TRPC4: variants seen among roughly 807,000 people sequenced by gnomAD.
The protein encoded by TRPC4 is transient receptor potential cation channel subfamily C member 4, also known as short transient receptor potential channel 4.
In TRPC4, 49 loss-of-function variants were observed where a neutral mutation model predicts 99.4. That is an observed-to-expected ratio of 0.49 (90% CI 0.39 to 0.63). The LOEUF (loss-of-function observed/expected upper bound fraction) is 0.63, where lower values mean the gene tolerates loss of function less well. Among genes scored for constraint, TRPC4 ranks in the 20% least tolerant of loss-of-function variants. TRPC4 has a pLI of 0.00. For synonymous variants in TRPC4, 454 were observed against 425.9 expected, an observed-to-expected ratio of 1.07 and a Z score of -0.81; for missense variants, 898 against 1,152.9, an observed-to-expected ratio of 0.78 and a Z score of 3.20.
chr13:37,717,055 T>G lies in TRPC4; in HGVS notation c.898-24720A>C, dbSNP rs535965478. On this transcript the variant is annotated intron_variant, in intron 3 of 10. Transcript: ENST00000379705. ...CACAAGTAGGTGGAAAACAAAAACA[T>G]CAGAAGTGAGGCTGCCCAGAAGATA... Among the ~76,000 whole-genome samples, 596 of 152,150 alleles carry G rather than the reference T, an allele frequency of 3.9e-3. 3 individuals are homozygous for G. The highest frequency in any genetic ancestry group is 0.013 in the African/African-American group (537 of 41,528).
chr13:37,739,670 T>C (rs1198945667), intron 3 of TRPC4, among the ~76,000 whole-genome samples: 1 of 151,874 alleles, frequency 6.6e-6, no homozygotes, highest in Non-Finnish European at 1.5e-5. Flanking sequence ...CATGCCCAGC[T>C]AATTTTTGTA....
intron 1 of TRPC4, among the ~76,000 whole-genome samples, chr13:37,855,353 T>TATATGC (rs1566227343): frequency 6.7e-6 from 1 of 148,780 alleles, no homozygotes; most frequent in Non-Finnish European, 1.5e-5. Context: ...TATATATATA[T>TATATGC]ATATGCACCT....
At chr13:37,784,175 C>A (rs773271748) in intron 1 of TRPC4, among the ~76,000 whole-genome samples, 1 of 151,938 alleles carries the variant, frequency 6.6e-6, no homozygotes, top group Non-Finnish European at 1.5e-5. Context: ...CAAGATGAGT[C>A]TAAGCAATTC....
chr13:37,793,090 G>A (rs1190431538), intron 1 of TRPC4, among the ~76,000 whole-genome samples: 2 of 152,078 alleles, frequency 1.3e-5, no homozygotes, highest in African/African-American at 2.4e-5. Flanking sequence ...ACGTTGAGAC[G>A]TCTGGTTAGA....
rs538612704 is a variant in TRPC4 at position 37,791,113 on chromosome 13, G to A, written c.-27-7753C>T. Among the ~76,000 whole-genome samples the A allele has an allele frequency of 6.6e-5, 10 of 152,142 alleles. No individual in the cohort carries two copies. The South Asian group carries it at 1.7e-3, about 25-fold the overall frequency. Reference sequence around the variant, plus strand: ...TAAGGAAAGTATGAAGATGAAACAGGCCTGTCATGGTGGCTCACACCTGTA... The same window carrying A: ...TAAGGAAAGTATGAAGATGAAACAGACCTGTCATGGTGGCTCACACCTGTA... On this transcript the variant is annotated intron_variant, in intron 1 of 10. Transcript: ENST00000379705.
intron 1 of TRPC4, among the ~76,000 whole-genome samples, chr13:37,789,009 C>G (rs56656948): frequency 1.3e-5 from 2 of 152,100 alleles, no homozygotes; most frequent in African/African-American, 4.8e-5. Flanking sequence ...TCTTTCCAAA[C>G]GATGTTACTG....
At chr13:37,748,793 A>G (rs2139177809) in intron 2 of TRPC4, among the ~76,000 whole-genome samples, 1 of 152,182 alleles carries the variant, frequency 6.6e-6, no homozygotes, top group South Asian at 2.1e-4. Flanking sequence ...TCAAAAAATA[A>G]CAGTGTAAAA....
At chr13:37,654,091 T>C (rs771627223) in intron 7 of TRPC4, among the ~76,000 whole-genome samples, 1 of 152,136 alleles carries the variant, frequency 6.6e-6, no homozygotes, top group Non-Finnish European at 1.5e-5. Context: ...AAACCATCTA[T>C]TCTCATGTTC....
chr13:37,753,020 T>C (rs949565372), intron 2 of TRPC4, among the ~76,000 whole-genome samples: 4 of 151,790 alleles, frequency 2.6e-5, no homozygotes, highest in African/African-American at 7.3e-5. Flanking sequence ...AGTATAATAC[T>C]ATAGAAATGA....
chr13:37,687,544 A>G (rs2138852229), intron 4 of TRPC4, among the ~76,000 whole-genome samples: 1 of 152,354 alleles, frequency 6.6e-6, no homozygotes. Context: ...TCTTTGAGAT[A>G]AAACTCTTGC....
intron 1 of TRPC4, among the ~76,000 whole-genome samples, chr13:37,849,458 A>G (rs1048956525): frequency 1.3e-5 from 2 of 152,252 alleles, no homozygotes; most frequent in African/African-American, 4.8e-5. Flanking sequence ...AGTCAAAACC[A>G]AGTCATCAGA....
At chr13:37,714,765 T>TTCAA (rs1954605791) in intron 3 of TRPC4, among the ~76,000 whole-genome samples, 1 of 11,428 alleles carries the variant, frequency 8.8e-5, no homozygotes, top group Admixed American at 1.4e-3. Context: ...TTTCCTCCTA[T>TTCAA]TCAGTCAGTT....
At chr13:37,705,821 C>T (rs758783569) in intron 3 of TRPC4, among the ~76,000 whole-genome samples, 1 of 152,132 alleles carries the variant, frequency 6.6e-6, no homozygotes, top group East Asian at 1.9e-4. Context: ...TAGCCCTGCA[C>T]GGTTACACTT....
intron 2 of TRPC4, among the ~76,000 whole-genome samples, chr13:37,760,288 C>CA (rs1490198675): frequency 6.6e-6 from 1 of 151,944 alleles, no homozygotes; most frequent in Non-Finnish European, 1.5e-5. Flanking sequence ...CACCATTAAA[C>CA]TTTCCATACA....
rs772892967 is a variant in TRPC4, at chr13:37,692,350, A to G, written c.898-15T>C. The stretch of plus-strand genomic sequence containing the variant: ...TGGGCAACAAACTAAACAGAAGGGA[A>G]AGGAAAAGGAAAAATAAGTCACAGT... On this transcript the variant is annotated splice_polypyrimidine_tract_variant and intron_variant, in intron 3 of 10. Transcript: ENST00000379705. 4.4e-6 allele frequency: 7 copies of G among 1,597,510 alleles called. No individual in the cohort carries two copies. Among genetic ancestry groups the G allele is most frequent in the Non-Finnish European group, 6.0e-6 (7 of 1,170,292 alleles).
intron 8 of TRPC4, among the ~76,000 whole-genome samples, chr13:37,645,072 C>T (rs368696140): frequency 6.6e-6 from 1 of 151,714 alleles, no homozygotes; most frequent in Non-Finnish European, 1.5e-5. Context: ...CACTTTTCTT[C>T]GCAAACTACA....
intron 1 of TRPC4, among the ~76,000 whole-genome samples, chr13:37,812,198 AGG>A (rs1957719298): frequency 6.8e-6 from 1 of 146,522 alleles, no homozygotes; most frequent in Non-Finnish European, 1.5e-5. Context: ...AAAAAAAACC[AGG>A]AGATCTAATT....
At chr13:37,718,203 T>A (rs1231483394) in intron 3 of TRPC4, among the ~76,000 whole-genome samples, 2 of 152,052 alleles carry the variant, frequency 1.3e-5, no homozygotes, top group Non-Finnish European at 2.9e-5. Context: ...TAGGGCAGAC[T>A]GCAGACAGTC....
intron 3 of TRPC4, among the ~76,000 whole-genome samples, chr13:37,729,406 T>C (rs1955171941): frequency 6.7e-6 from 1 of 149,776 alleles, no homozygotes; most frequent in Admixed American, 6.8e-5. Flanking sequence ...AAAGCCACTG[T>C]GAAAAACACT....
Sources: allele counts gnomAD v4.1 joint callset (sites outside exome capture counted in the v4.1 genomes callset), GRCh38; gene constraint gnomAD v4.1.1; transcripts MANE v1.5; gene names NCBI Gene and HGNC (gene_info 2026-07-23, HGNC 2026-07-21).